The following ROBO2 variants were observed in gnomAD, a reference collection of about 807,000 sequenced individuals.
ROBO2 encodes roundabout guidance receptor 2.
Under a neutral mutation model 160.8 loss-of-function variants are expected in ROBO2, and 53 were observed. That is an observed-to-expected ratio of 0.33 (90% CI 0.26 to 0.41). The LOEUF (loss-of-function observed/expected upper bound fraction) is 0.41. Among genes scored for constraint, ROBO2 ranks in the 10% least tolerant of loss-of-function variants. ROBO2 has a pLI of 1.00. For missense variants in ROBO2, 1,577 were observed against 1,722.4 expected, an observed-to-expected ratio of 0.92 and a Z score of 1.49; for synonymous variants, 664 against 611.7, an observed-to-expected ratio of 1.09 and a Z score of -1.26.
chr3:76,069,745 T>C (rs2068383125), intron 2 of ROBO2, among the ~76,000 whole-genome samples: 1 of 152,166 alleles, frequency 6.6e-6, no homozygotes, highest in Admixed American at 6.5e-5. Context: ...TCAGACACGT[T>C]AGCTAAGGGA....
At chr3:76,549,449 C>T (rs1039922897) in intron 2 of ROBO2, among the ~76,000 whole-genome samples, 3 of 152,106 alleles carry the variant, frequency 2.0e-5, no homozygotes, top group Admixed American at 1.3e-4. Flanking sequence ...CCCAGTGCAA[C>T]GGCAGGGAGG....
At chr3:77,364,698 G>C (rs1396027726) in intron 2 of ROBO2, among the ~76,000 whole-genome samples, 2 of 152,118 alleles carry the variant, frequency 1.3e-5, no homozygotes, top group African/African-American at 2.4e-5. Flanking sequence ...AGAAGTAACT[G>C]TTATGCTTTT....
intron 4 of ROBO2, among the ~76,000 whole-genome samples, 193 bp downstream of exon 4, chr3:77,481,412 CTT>C (rs760022535): frequency 3.9e-5 from 6 of 152,064 alleles, no homozygotes; most frequent in Non-Finnish European, 8.8e-5. Context: ...TTATTTGAAA[CTT>C]TAATTAACTT....
chr3:76,520,021 A>G (rs1382824402), intron 2 of ROBO2, among the ~76,000 whole-genome samples: 2 of 152,180 alleles, frequency 1.3e-5, no homozygotes, highest in Admixed American at 6.5e-5. Flanking sequence ...TAATCACAAT[A>G]TAAATACCTC....
At chr3:76,772,385 AATAT>A (rs1560534319) in intron 2 of ROBO2, among the ~76,000 whole-genome samples, 2 of 149,244 alleles carry the variant, frequency 1.3e-5, no homozygotes, top group African/African-American at 4.9e-5. Flanking sequence ...TATGTATATA[AATAT>A]ATATGCATCT....
chr3:77,632,568 C>G, intron 23 of ROBO2: 1 of 1,535,826 alleles, frequency 6.5e-7, no homozygotes, highest in South Asian at 1.2e-5. Flanking sequence ...ATGGCTCTAT[C>G]TTTGCCAGCG....
chr3:77,585,621 G>A (rs189424915), intron 16 of ROBO2, among the ~76,000 whole-genome samples: 2 of 151,962 alleles, frequency 1.3e-5, no homozygotes, highest in Admixed American at 6.6e-5. Flanking sequence ...TATTTTTTGT[G>A]TACACACACA....
At chr3:77,598,346 A>G (rs2094352421) in intron 19 of ROBO2, among the ~76,000 whole-genome samples, 1 of 151,470 alleles carries the variant, frequency 6.6e-6, no homozygotes, top group African/African-American at 2.4e-5. Flanking sequence ...ACCAACTATG[A>G]GAAGGGGAAC....
chr3:76,049,401 A>ATTTTTTTTTTTTT (rs1306305555), intron 2 of ROBO2, among the ~76,000 whole-genome samples: 52 of 63,704 alleles, frequency 8.2e-4, no homozygotes, highest in Non-Finnish European at 9.2e-4. Flanking sequence ...ATATATATAT[A>ATTTTTTTTTTTTT]TATTTTTTTT....
chr3:77,602,834 CACA>C, intron 20 of ROBO2: 1 of 470,326 alleles, frequency 2.1e-6, no homozygotes, highest in Admixed American at 2.3e-5. Flanking sequence ...TCCACTCTCC[CACA>C]ACATCTGCTT....
At chr3:77,628,316 T>A (rs2153710691) in intron 23 of ROBO2, among the ~76,000 whole-genome samples, 1 of 152,334 alleles carries the variant, frequency 6.6e-6, no homozygotes, top group Middle Eastern at 3.4e-3. Context: ...GTGTTCATTT[T>A]AATTTTCGTG....
intron 2 of ROBO2, among the ~76,000 whole-genome samples, chr3:76,972,172 A>G (rs2059603129): frequency 6.6e-6 from 1 of 152,160 alleles, no homozygotes; most frequent in Non-Finnish European, 1.5e-5. Context: ...TGAGCTGTAA[A>G]ACAAAATCAT....
At chr3:76,500,170 G>A (rs933835544) in intron 2 of ROBO2, among the ~76,000 whole-genome samples, 1 of 152,088 alleles carries the variant, frequency 6.6e-6, no homozygotes, top group African/African-American at 2.4e-5. Context: ...CCGGGTTGGA[G>A]TGCAATGACA....
At chr3:76,018,862 T>A (rs1158821639) in intron 2 of ROBO2, among the ~76,000 whole-genome samples, 1 of 152,014 alleles carries the variant, frequency 6.6e-6, no homozygotes, top group Non-Finnish European at 1.5e-5. Context: ...GTGTATTCCT[T>A]GGAATTGGCT....
intron 2 of ROBO2, among the ~76,000 whole-genome samples, chr3:76,784,834 T>A (rs2062871053): frequency 6.6e-6 from 1 of 151,208 alleles, no homozygotes; most frequent in Non-Finnish European, 1.5e-5. Context: ...GCCATGTTGA[T>A]TCCCTCAGTG....
chr3:77,370,602 G>T (rs2071604609), intron 2 of ROBO2, among the ~76,000 whole-genome samples: 1 of 152,216 alleles, frequency 6.6e-6, no homozygotes, highest in Non-Finnish European at 1.5e-5. Context: ...GGAGGGATCA[G>T]CAAACCACGG....
chr3:77,180,416 C>CTCTCTCTCTCTCTCTCTATA (rs1433740534), intron 2 of ROBO2, among the ~76,000 whole-genome samples: 7 of 90,726 alleles, frequency 7.7e-5, no homozygotes, highest in Non-Finnish European at 1.4e-4. Flanking sequence ...CTCTCTCTCT[C>CTCTCTCTCTCTCTCTCTATA]TATATATATA....
At chr3:76,699,509 C>T (rs1040448465) in intron 2 of ROBO2, among the ~76,000 whole-genome samples, 2 of 151,988 alleles carry the variant, frequency 1.3e-5, no homozygotes, top group Non-Finnish European at 2.9e-5. Context: ...ACAAAAGATC[C>T]CCATATTGAT....
chr3:76,859,452 C>A (rs1394854088), intron 2 of ROBO2, among the ~76,000 whole-genome samples: 2 of 152,208 alleles, frequency 1.3e-5, no homozygotes, highest in Non-Finnish European at 2.9e-5. Flanking sequence ...TAGCAGGTAA[C>A]CCAATCCAAT....
Sources: gnomAD v4.1 joint callset for allele counts (sites outside exome capture counted in the v4.1 genomes callset) on GRCh38, gnomAD v4.1.1 for gene constraint, MANE v1.5 for transcripts, NCBI Gene and HGNC (gene_info 2026-07-23, HGNC 2026-07-21) for gene names.